SENP1: variants seen among roughly 807,000 people sequenced by gnomAD.
The protein encoded by SENP1 is sentrin-specific protease 1.
In SENP1, 21 loss-of-function variants were observed where a neutral mutation model predicts 93.0. The ratio of observed to expected loss-of-function variants is 0.23; its 90% CI spans 0.16 to 0.33. The LOEUF is 0.33. Among genes scored for constraint, SENP1 ranks in the 10% least tolerant of loss-of-function variants. The pLI, the probability that SENP1 is intolerant of heterozygous loss-of-function variation, is 1.00. For missense variants in SENP1, 591 were observed against 758.7 expected (o/e 0.78, Z 2.60); for synonymous variants, 256 against 259.6 (o/e 0.99, Z 0.13).
chr12:48,080,344 TTG>T (rs1189022259), intron 6 of SENP1: 1 of 152,306 alleles, frequency 6.6e-6, no homozygotes, highest in African/African-American at 2.4e-5. Flanking sequence ...GCACAGCTTT[TTG>T]ATGTTGCCTC....
In SENP1 at chr12:48,056,862, TATATTAC is replaced by T. The variant is rs1255568488; in HGVS notation, c.1407+6841_1407+6847del. 1.9e-3 allele frequency among the ~76,000 whole-genome samples: 126 copies of T among 67,244 alleles called. 19 individuals carry two copies. The highest frequency in any genetic ancestry group is 0.017 in the South Asian group (35 of 2,062). 44.1% of individuals were successfully genotyped at this position (67,244 alleles called of 152,430 possible). A position where few individuals can be genotyped will look rare whatever the true frequency, so the allele number is the denominator to read the frequency against. ...TACATATTACATATATATTATTTAA[TATATTAC>T]ATATTACATATATAATATATTATTT... On this transcript the variant is annotated intron_variant, in intron 13 of 17. Transcript: ENST00000549518.
intron 13 of SENP1, among the ~76,000 whole-genome samples, chr12:48,053,963 C>T (rs978697797): frequency 2.0e-5 from 3 of 152,118 alleles, no homozygotes; most frequent in African/African-American, 4.8e-5. Flanking sequence ...TGTCAGCTTG[C>T]TATTTTTCCA....
At chr12:48,046,284 G>A (rs1941356513) in intron 17 of SENP1, 72 bp downstream of exon 17, 3 of 1,016,474 alleles carry the variant, frequency 3.0e-6, no homozygotes, top group Non-Finnish European at 4.7e-6. Context: ...AGAACAACTG[G>A]AGAGAAAAAC....
Position 48,074,529 on chromosome 12 carries a change from G to A in SENP1, c.735C>T (p.Ile245=), listed in dbSNP as rs929236777. Residue 245 remains isoleucine (I), a synonymous_variant, in exon 8 of 18, where the codon ATC becomes ATT. Transcript: ENST00000549518. ...CAGATGATGAAGTATCAGAGCCAATGATCTGAGATGCACAAGAGTTTCCAT... is the reference window on the plus strand; with the variant it reads ...CAGATGATGAAGTATCAGAGCCAATAATCTGAGATGCACAAGAGTTTCCAT... ...FKNGNSCASQ[I]IGSDTSSSGS... is the part of the protein sequence containing the mutation. 2.5e-6 allele frequency: 4 copies of A among 1,613,684 alleles called. No homozygotes were observed. The highest frequency in any genetic ancestry group is 3.4e-6 in the Non-Finnish European group (4 of 1,179,754).
chr12:48,076,286 C>G (rs1159121688), intron 6 of SENP1, among the ~76,000 whole-genome samples: 1 of 152,184 alleles, frequency 6.6e-6, no homozygotes, highest in Non-Finnish European at 1.5e-5. Flanking sequence ...CCCGCCACCA[C>G]GCCCAGCTAA....
chr12:48,105,460 A>C, intron 1 of SENP1: 1 of 519,070 alleles, frequency 1.9e-6, no homozygotes, highest in Middle Eastern at 3.2e-4. Context: ...TCATAACCTG[A>C]GCAGGAGGGT....
chr12:48,076,569 T>C (rs372338503), intron 6 of SENP1, among the ~76,000 whole-genome samples: 7 of 151,844 alleles, frequency 4.6e-5, no homozygotes, highest in African/African-American at 1.5e-4. Context: ...TAACCTCAAG[T>C]GATGCGCCCA....
intron 13 of SENP1, chr12:48,055,382 C>T (rs1942154068): frequency 6.6e-6 from 1 of 152,460 alleles, no homozygotes. Context: ...TGCAGGCTCC[C>T]CAAAGATCAG....
intron 5 of SENP1, among the ~76,000 whole-genome samples, chr12:48,086,086 A>G (rs538646886): frequency 7.9e-5 from 12 of 152,242 alleles, no homozygotes; most frequent in Non-Finnish European, 1.5e-4. Flanking sequence ...CATTAAAAGT[A>G]TAACAATTAT....
At chr12:48,071,493 G>A (rs891517962) in intron 9 of SENP1, among the ~76,000 whole-genome samples, 174 bp downstream of exon 9, 2 of 152,154 alleles carry the variant, frequency 1.3e-5, no homozygotes, top group Middle Eastern at 3.2e-3. Context: ...GCGGGCGCCT[G>A]TAATCCTAGC....
chr12:48,105,793 C>CAGAAGG (rs1163023933), intron 1 of SENP1: 1 of 585,356 alleles, frequency 1.7e-6, no homozygotes, highest in Non-Finnish European at 3.1e-6. Flanking sequence ...AGAGAGAGAC[C>CAGAAGG]AGAAGGAACG....
intron 9 of SENP1, among the ~76,000 whole-genome samples, chr12:48,067,950 T>G (rs1472200651): frequency 6.6e-6 from 1 of 152,198 alleles, no homozygotes; most frequent in African/African-American, 2.4e-5. Flanking sequence ...AACCTCCACC[T>G]CTCGGGTTCA....
Position 48,074,800 on chromosome 12 carries a change from G to C in SENP1, c.553-7C>G, listed in dbSNP as rs755364873. 2.3e-5 allele frequency: 33 copies of C among 1,427,144 alleles called. No individual in the cohort carries two copies. The highest frequency in any genetic ancestry group is 2.7e-5 in the Non-Finnish European group (29 of 1,063,258). The allele number at this position is 1,427,144 out of a possible 1,614,324, so 88.4% of individuals were successfully genotyped here. A position where few individuals can be genotyped will look rare whatever the true frequency, so the allele number is the denominator to read the frequency against. ...TTTCTTCTTCTTGAACTGTCTATAA[G>C]AAAACAAAAAAAAAAAACAGTTTAA... is the stretch of plus-strand genomic sequence containing the variant. On this transcript the variant is annotated splice_region_variant and splice_polypyrimidine_tract_variant and intron_variant, in intron 6 of 17. Transcript: ENST00000549518.
Position 48,047,024 on chromosome 12 carries a change from T to C in SENP1, c.1730A>G (p.Lys577Arg). The C allele has an allele frequency of 6.2e-7, 1 of 1,613,072 alleles. No homozygotes were observed. Among genetic ancestry groups the C allele is most frequent in the South Asian group, 1.1e-5 (1 of 91,044 alleles). Residue 577 changes from lysine (K) to arginine (R), a missense_variant, in exon 16 of 18, where the codon AAA becomes AGA. Lys to Arg is a conservative substitution (Grantham distance 26). Transcript: ENST00000549518. The stretch of plus-strand genomic sequence containing the variant: ...CTGCCAGCCATTGGTGTCAAACTCT[T>C]TCCTTTTCTTGTCAATGCTTTCTTG... ...LKQESIDKKR[K>R]EFDTNGWQLF... is the part of the protein sequence containing the mutation.
intron 16 of SENP1, 128 bp from the exon 17 acceptor site, chr12:48,046,579 C>T (rs752155080): frequency 1.4e-6 from 1 of 695,608 alleles, no homozygotes; most frequent in Admixed American, 2.3e-5. Context: ...TCTGGCCCCC[C>T]AGTCAGGACA....
rs73301150 is a variant in SENP1 at position 48,064,626 on chromosome 12, C to G, written c.1275+439G>C. Reference sequence around the variant, plus strand: ...AGCCCAGATTGGTATATAAAATAAGCGAAAGCTGAAATATACAAGAAAATT... The same window carrying G: ...AGCCCAGATTGGTATATAAAATAAGGGAAAGCTGAAATATACAAGAAAATT... On this transcript the variant is annotated intron_variant, in intron 12 of 17. Transcript: ENST00000549518. 6.7e-3 allele frequency among the ~76,000 whole-genome samples: 1,025 copies of G among 152,112 alleles called. 15 individuals carry two copies. Among genetic ancestry groups the G allele is most frequent in the African/African-American group, 0.023 (974 of 41,492 alleles).
In SENP1 at chr12:48,077,666, T is replaced by C. The variant is rs114131745; in HGVS notation, c.553-2873A>G. 4.7e-3 allele frequency among the ~76,000 whole-genome samples: 721 copies of C among 152,252 alleles called. 7 individuals carry two copies. Among genetic ancestry groups the C allele is most frequent in the African/African-American group, 0.016 (648 of 41,550 alleles). ...GTTACATATGTATACATGTGCCACG[T>C]TGGTATGCTGCACCCATTAACTCAT... On this transcript the variant is annotated intron_variant, in intron 6 of 17. Coordinates refer to ENST00000549518, the MANE Select transcript of SENP1 (RefSeq NM_001267594.2).
At chr12:48,091,750 C>T (rs1231726481) in intron 4 of SENP1, among the ~76,000 whole-genome samples, 1 of 152,064 alleles carries the variant, frequency 6.6e-6, no homozygotes, top group East Asian at 1.9e-4. Context: ...ACCATCATGG[C>T]TCACTGCAGC....
chr12:48,076,598 C>T (rs1056444038), intron 6 of SENP1, among the ~76,000 whole-genome samples: 2 of 151,754 alleles, frequency 1.3e-5, no homozygotes. Flanking sequence ...TCCCAAAGTG[C>T]TGGGATTACA....
Sources: allele counts gnomAD v4.1 joint callset (sites outside exome capture counted in the v4.1 genomes callset), GRCh38; gene constraint gnomAD v4.1.1; transcripts MANE v1.5; gene names NCBI Gene and HGNC (gene_info 2026-07-23, HGNC 2026-07-21).